The following TP63 variants were observed in gnomAD, a reference collection of about 807,000 sequenced individuals.
TP63 encodes the protein tumor protein 63.
A neutral mutation model predicts 82.8 loss-of-function variants in TP63; 17 were observed. That is an observed-to-expected ratio of 0.21 (90% CI 0.14 to 0.31). The LOEUF is 0.31. Among genes scored for constraint, TP63 ranks in the 10% least tolerant of loss-of-function variants. The pLI is 1.00. For missense variants in TP63, 648 were observed against 895.3 expected, an observed-to-expected ratio of 0.72 and a Z score of 3.52; for synonymous variants, 330 against 321.7, an observed-to-expected ratio of 1.03 and a Z score of -0.28.
intron 3 of TP63, among the ~76,000 whole-genome samples, chr3:189,743,114 C>A (rs1471218128): frequency 6.6e-6 from 1 of 151,954 alleles, no homozygotes; most frequent in Admixed American, 6.6e-5. Flanking sequence ...CCCCAATAAA[C>A]TAAATATTCA....
intron 3 of TP63, among the ~76,000 whole-genome samples, chr3:189,756,263 T>A (rs1722181944): frequency 6.6e-6 from 1 of 152,148 alleles, no homozygotes; most frequent in Non-Finnish European, 1.5e-5. Context: ...TAAGAAAATA[T>A]ATTTCACATA....
chr3:189,769,494 A>AT (rs1161073027), intron 3 of TP63, among the ~76,000 whole-genome samples: 1 of 152,196 alleles, frequency 6.6e-6, no homozygotes, highest in Non-Finnish European at 1.5e-5. Flanking sequence ...TATCCACTGG[A>AT]TGTAAGAACT....
intron 1 of TP63, among the ~76,000 whole-genome samples, chr3:189,712,864 A>T (rs1339115267): frequency 6.6e-6 from 1 of 152,220 alleles, no homozygotes; most frequent in Non-Finnish European, 1.5e-5. Flanking sequence ...AGCTCAGATC[A>T]TTAGGTGTCT....
At chr3:189,696,341 T>C (rs1395733452) in intron 1 of TP63, among the ~76,000 whole-genome samples, 2 of 152,182 alleles carry the variant, frequency 1.3e-5, no homozygotes, top group East Asian at 3.8e-4. Context: ...CTTAGCAGTA[T>C]ACCTGTAAGA....
intron 1 of TP63, among the ~76,000 whole-genome samples, chr3:189,724,128 C>CT (rs1408981080): frequency 1.3e-5 from 2 of 149,472 alleles, no homozygotes; most frequent in Non-Finnish European, 3.0e-5. Context: ...TATTTTTATA[C>CT]TAACCCTTTC....
intron 1 of TP63, among the ~76,000 whole-genome samples, chr3:189,731,545 A>AT (rs144014021): frequency 2.4e-3 from 361 of 152,156 alleles, no homozygotes; most frequent in African/African-American, 8.4e-3. Context: ...AGATGTGGAG[A>AT]TTTTCAAGCA....
chr3:189,682,849 G>C (rs1716099934), intron 1 of TP63, among the ~76,000 whole-genome samples: 1 of 151,754 alleles, frequency 6.6e-6, no homozygotes, highest in Non-Finnish European at 1.5e-5. Flanking sequence ...TTCTAGACTA[G>C]AACTCTTGGG....
In TP63 at chr3:189,764,310, C is replaced by T. The variant is rs558207903; in HGVS notation, c.324+25536C>T. Among the ~76,000 whole-genome samples the T allele has an allele frequency of 2.0e-5, 3 of 152,224 alleles. No homozygotes were observed. The East Asian group carries it at 5.8e-4, about 29-fold the overall frequency. On this transcript the variant is annotated intron_variant, in intron 3 of 13. Coordinates refer to ENST00000264731, the MANE Select transcript of TP63 (RefSeq NM_003722.5). ...AGGAATACAGGTGCATATCCCACTA[C>T]CTAGGAAACAAGAACCATGTTGATA...
chr3:189,720,551 A>G (rs1205053812), intron 1 of TP63, among the ~76,000 whole-genome samples: 1 of 151,998 alleles, frequency 6.6e-6, no homozygotes, highest in Non-Finnish European at 1.5e-5. Context: ...CCTGGTCAAC[A>G]TGGAGAAACC....
In TP63 at chr3:189,651,758, G is replaced by A. The variant is rs560788166; in HGVS notation, c.62+20181G>A. 1.5e-4 allele frequency among the ~76,000 whole-genome samples: 22 copies of A among 146,516 alleles called. 1 individual carries two copies. Among genetic ancestry groups the A allele is most frequent in the Admixed American group, 1.2e-3 (18 of 14,950 alleles). ...CTAGGAGGGAAAAAATGGTTTCCTG[G>A]GCTGAGTCCAGGGCCCCCTGCTCTG... is the stretch of plus-strand genomic sequence containing the variant. On this transcript the variant is annotated intron_variant, in intron 1 of 13. Transcript: ENST00000264731.
intron 1 of TP63, among the ~76,000 whole-genome samples, chr3:189,657,878 G>A (rs1458460390): frequency 6.6e-6 from 1 of 152,012 alleles, no homozygotes. Flanking sequence ...GGAGCAAAGG[G>A]CATATTCCTT....
intron 1 of TP63, among the ~76,000 whole-genome samples, chr3:189,681,872 C>A (rs1436380606): frequency 6.6e-6 from 1 of 152,184 alleles, no homozygotes; most frequent in Non-Finnish European, 1.5e-5. Context: ...ACCTAGGGAA[C>A]CAGGCAATCA....
Position 189,693,932 on chromosome 3 carries a change from C to T in TP63, c.63-43808C>T, listed in dbSNP as rs568264676. ...TAAAAAGTTTCTGACACCTCAACAA[C>T]ACCGTTTTAGTGTTATCTTTTATTA... On this transcript the variant is annotated intron_variant, in intron 1 of 13. Coordinates refer to ENST00000264731, the MANE Select transcript of TP63 (RefSeq NM_003722.5). Among the ~76,000 whole-genome samples, 6 of 152,286 alleles carry T rather than the reference C, an allele frequency of 3.9e-5. No individual in the cohort carries two copies. The South Asian group carries it at 1.0e-3, about 26-fold the overall frequency.
intron 13 of TP63, among the ~76,000 whole-genome samples, chr3:189,893,615 G>A (rs960293357): frequency 1.3e-5 from 2 of 152,144 alleles, no homozygotes; most frequent in Non-Finnish European, 1.5e-5. Flanking sequence ...TGCCGTTTCA[G>A]GTTCTGAGGA....
rs559940920 is a variant in TP63, at chr3:189,653,048, A to G, written c.62+21471A>G. Among the ~76,000 whole-genome samples, 83 of 150,986 alleles carry G rather than the reference A, an allele frequency of 5.5e-4. 8 individuals are homozygous for G. Among genetic ancestry groups the G allele is most frequent in the African/African-American group, 1.9e-3 (77 of 41,006 alleles). On this transcript the variant is annotated intron_variant, in intron 1 of 13. Coordinates refer to ENST00000264731, the MANE Select transcript of TP63 (RefSeq NM_003722.5). ...AATATAATCAGCATGTTCTTTTTCT[A>G]TAGATATAGAGGACAGAAAATTAGG...
intron 3 of TP63, among the ~76,000 whole-genome samples, chr3:189,775,626 A>C (rs1457974231): frequency 2.6e-5 from 4 of 152,134 alleles, no homozygotes; most frequent in Non-Finnish European, 5.9e-5. Flanking sequence ...TCTTATCCTC[A>C]TTTCTTTTTA....
At chr3:189,740,640 C>G (rs1720915409) in intron 3 of TP63, among the ~76,000 whole-genome samples, 1 of 152,146 alleles carries the variant, frequency 6.6e-6, no homozygotes, top group Non-Finnish European at 1.5e-5. Flanking sequence ...GCTGGGATTA[C>G]AGGCATGTGC....
At chr3:189,780,828 C>T (rs764461343) in intron 3 of TP63, among the ~76,000 whole-genome samples, 48 of 152,172 alleles carry the variant, frequency 3.2e-4, no homozygotes, top group Non-Finnish European at 6.3e-4. Flanking sequence ...TCTCTGCTGG[C>T]GGTGACAGTG....
At chr3:189,804,459 C>T (rs997186416) in intron 3 of TP63, among the ~76,000 whole-genome samples, 9 of 152,196 alleles carry the variant, frequency 5.9e-5, no homozygotes, top group Non-Finnish European at 1.2e-4. Flanking sequence ...ACAAGAGGTT[C>T]TGCATTTTCA....
Sources: allele counts gnomAD v4.1 joint callset (sites outside exome capture counted in the v4.1 genomes callset), GRCh38; gene constraint gnomAD v4.1.1; transcripts MANE v1.5; gene names NCBI Gene and HGNC (gene_info 2026-07-23, HGNC 2026-07-21).